The following TNNT3 variants were observed in gnomAD, a reference collection of about 807,000 sequenced individuals.
The protein encoded by TNNT3 is troponin T3, fast skeletal type.
A neutral mutation model predicts 54.2 loss-of-function variants in TNNT3; 36 were observed. That is an observed-to-expected ratio of 0.66 (90% CI 0.51 to 0.88). TNNT3 has a LOEUF of 0.88. Ranked by LOEUF, TNNT3 falls within the 40% of genes least tolerant of loss-of-function variation. TNNT3 has a pLI of 0.00. For missense variants in TNNT3, 291 were observed against 331.6 expected, an observed-to-expected ratio of 0.88 and a Z score of 0.95; for synonymous variants, 120 against 109.7, an observed-to-expected ratio of 1.09 and a Z score of -0.59.
chr11:1,924,877 T>A (rs1851083303), intron 4 of TNNT3: 3 of 650,248 alleles, frequency 4.6e-6, no homozygotes, highest in Non-Finnish European at 8.4e-6. Context: ...CCAGCCCAGC[T>A]GACAGTGACC....
intron 14 of TNNT3, 60 bp from the exon 15 acceptor site, chr11:1,936,903 C>A: frequency 5.8e-6 from 9 of 1,544,466 alleles, no homozygotes; most frequent in Non-Finnish European, 7.9e-6. Flanking sequence ...CAGGCCTTCA[C>A]CCAGTACACG....
chr11:1,924,924 G>A (rs1161764084), intron 4 of TNNT3, 175 bp from the exon 5 acceptor site: 6 of 729,718 alleles, frequency 8.2e-6, no homozygotes, highest in South Asian at 7.5e-5. Context: ...CCCGGGGCTG[G>A]CCAGAGATGC....
intron 4 of TNNT3, 23 bp downstream of exon 4, chr11:1,923,595 GC>G (rs753016317): frequency 1.2e-5 from 20 of 1,607,826 alleles, no homozygotes; most frequent in Middle Eastern, 3.3e-4. Context: ...ACCACCGGAA[GC>G]CCCCCCAGCC....
rs1564829008 is a variant in TNNT3, at chr11:1,934,603, G to T, written c.538G>T (p.Ala180Ser). The T allele has an allele frequency of 1.2e-6, 2 of 1,609,548 alleles. No individual in the cohort carries two copies. Among genetic ancestry groups the T allele is most frequent in the Non-Finnish European group, 1.7e-6 (2 of 1,178,426 alleles). Residue 180 changes from alanine to serine, a missense_variant, in exon 13 of 16, where the codon GCT becomes TCT. By Grantham distance (99) the Ala-to-Ser change is moderately conservative. Coordinates refer to ENST00000278317, the MANE Select transcript of TNNT3 (RefSeq NM_006757.4). ...CCGGGAAATGAAGAAGAAGATTCTG[G>T]CTGAGAGACGCAAGCCGCTCAACAT... ...TAREMKKKIL[A>S]ERRKPLNIDH...
chr11:1,937,867 A>G (rs1465229806), intron 15 of TNNT3, among the ~76,000 whole-genome samples: 1 of 152,172 alleles, frequency 6.6e-6, no homozygotes, highest in Non-Finnish European at 1.5e-5. Flanking sequence ...ATGTGCCGAG[A>G]GTGCCCAGGA....
intron 15 of TNNT3, among the ~76,000 whole-genome samples, chr11:1,937,503 G>A (rs547081036): frequency 6.6e-6 from 1 of 152,242 alleles, no homozygotes; most frequent in East Asian, 1.9e-4. Flanking sequence ...ATAAAATCGT[G>A]TCCCTGGGGG....
At chr11:1,932,337 C>A (rs773112455) in intron 8 of TNNT3, 132 bp from the exon 9 acceptor site, 5 of 831,066 alleles carry the variant, frequency 6.0e-6, no homozygotes, top group South Asian at 4.0e-5. Flanking sequence ...TGTCACTAGG[C>A]GGGCATGCTT....
At position 1,922,054 on chromosome 11, in the gene TNNT3, C is replaced by A. The variant is rs562320077; in HGVS notation, c.-18-803C>A. ...GGCCACAGGGAGGGAAATGGGGGGG[C>A]TGTTCTGTGGGCTCCTGCAGTCCAA... On this transcript the variant is annotated intron_variant, in intron 1 of 15. Coordinates refer to ENST00000278317, the MANE Select transcript of TNNT3 (RefSeq NM_006757.4). Among the ~76,000 whole-genome samples the A allele has an allele frequency of 7.9e-4, 121 of 152,330 alleles. 1 individual carries two copies. The highest frequency in any genetic ancestry group is 2.0e-3 in the Admixed American group (30 of 15,302).
intron 10 of TNNT3, 45 bp downstream of exon 10, chr11:1,933,882 T>A: frequency 6.2e-7 from 1 of 1,611,818 alleles, no homozygotes; most frequent in African/African-American, 1.3e-5. Context: ...GTGGACTCCC[T>A]CGGAGGAGCC....
intron 8 of TNNT3, among the ~76,000 whole-genome samples, chr11:1,930,105 C>T (rs1852932745): frequency 6.6e-6 from 1 of 152,136 alleles, no homozygotes; most frequent in Non-Finnish European, 1.5e-5. Flanking sequence ...TTGGGAGGCC[C>T]AGCAGGGTGT....
intron 13 of TNNT3, 63 bp from the exon 14 acceptor site, chr11:1,934,766 C>T: frequency 6.2e-7 from 1 of 1,600,644 alleles, no homozygotes; most frequent in East Asian, 2.2e-5. Context: ...CAGGAGGACT[C>T]CAGGGGCCTG....
intron 8 of TNNT3, among the ~76,000 whole-genome samples, chr11:1,931,351 T>C (rs1853287615): frequency 6.6e-6 from 1 of 152,266 alleles, no homozygotes; most frequent in Non-Finnish European, 1.5e-5. Context: ...TGACATCCAC[T>C]GCCAAATTGC....
At position 1,926,713 on chromosome 11, in the gene TNNT3, C is replaced by G; in HGVS notation, c.82+4C>G. Reference sequence around the variant, plus strand: ...TCTGCAGAGGAAGTTCAAGAAGGTACGCCGGCGCTCCCCCGCCTCCAGGCC... The same window carrying G: ...TCTGCAGAGGAAGTTCAAGAAGGTAGGCCGGCGCTCCCCCGCCTCCAGGCC... On this transcript the variant is annotated splice_donor_region_variant and intron_variant, in intron 6 of 15. Coordinates refer to ENST00000278317, the MANE Select transcript of TNNT3 (RefSeq NM_006757.4). 1.2e-5 allele frequency: 20 copies of G among 1,613,252 alleles called. No homozygotes were observed. The highest frequency in any genetic ancestry group is 1.7e-5 in the Non-Finnish European group (20 of 1,180,030).
At chr11:1,935,669 C>T (rs895467393) in intron 14 of TNNT3, 1 of 175,422 alleles carries the variant, frequency 5.7e-6, no homozygotes, top group South Asian at 1.3e-4. Context: ...TCCACGTGCT[C>T]GGGGCAAATG....
intron 14 of TNNT3, chr11:1,935,123 T>C (rs1485549152): frequency 3.1e-6 from 2 of 652,402 alleles, no homozygotes; most frequent in Non-Finnish European, 5.5e-6. Context: ...TCCTCCTGGC[T>C]GGCCATGCAG....
intron 8 of TNNT3, among the ~76,000 whole-genome samples, chr11:1,931,909 G>A (rs1263388641): frequency 3.9e-5 from 6 of 152,056 alleles, no homozygotes; most frequent in African/African-American, 1.4e-4. Context: ...TTAACTCTTT[G>A]CTGCATCTGG....
rs978995795 is a variant in TNNT3, at chr11:1,929,837, G to A, written c.125+9G>A. 12 of 1,510,922 alleles carry A rather than the reference G, an allele frequency of 7.9e-6. No homozygotes were observed. In the Admixed American group the frequency reaches 1.8e-4, roughly 23 times the overall value. 93.6% of individuals were successfully genotyped at this position (1,510,922 alleles called of 1,614,324 possible). A position where few individuals can be genotyped will look rare whatever the true frequency, so the allele number is the denominator to read the frequency against. On this transcript the variant is annotated intron_variant, in intron 8 of 15. Transcript: ENST00000278317. ...GAGAAACCGAGACCCAAGTGAGTGTGGGGTCCTGGCAGGCCCGCTGCTGAG... is the reference window on the plus strand; with the variant it reads ...GAGAAACCGAGACCCAAGTGAGTGTAGGGTCCTGGCAGGCCCGCTGCTGAG...
At chr11:1,936,405 G>A (rs1237304531) in intron 14 of TNNT3, 5 of 869,504 alleles carry the variant, frequency 5.8e-6, no homozygotes, top group Non-Finnish European at 9.0e-6. Flanking sequence ...CCTCGTGCCT[G>A]CAGCCGGGGG....
chr11:1,929,017 G>A (rs748009459), intron 6 of TNNT3, 103 bp from the exon 7 acceptor site: 2 of 1,334,106 alleles, frequency 1.5e-6, no homozygotes, highest in South Asian at 1.2e-5. Context: ...CCGAGTGAGA[G>A]GGGTGGGCCC....
Sources: gnomAD v4.1 joint callset for allele counts (sites outside exome capture counted in the v4.1 genomes callset) on GRCh38, gnomAD v4.1.1 for gene constraint, MANE v1.5 for transcripts, NCBI Gene and HGNC (gene_info 2026-07-23, HGNC 2026-07-21) for gene names.